Variants in HECW2 observed in about 807,000 individuals in gnomAD.
HECW2 encodes the protein HECT, C2 and WW domain containing E3 ubiquitin protein ligase 2.
In HECW2, 61 loss-of-function variants were observed where a neutral mutation model predicts 175.2. The observed-to-expected ratio is 0.35, with a 90% CI of 0.28 to 0.43. HECW2 has a LOEUF of 0.43. Among genes scored for constraint, HECW2 ranks in the 20% least tolerant of loss-of-function variants. The pLI is 1.00. For synonymous variants in HECW2, 671 were observed against 731.0 expected (o/e 0.92, Z 1.32); for missense variants, 1,524 against 2,000.5 (o/e 0.76, Z 4.54).
At chr2:196,570,311 T>A (rs191395593) in intron 1 of HECW2, among the ~76,000 whole-genome samples, 3 of 152,250 alleles carry the variant, frequency 2.0e-5, no homozygotes, top group Non-Finnish European at 4.4e-5. Flanking sequence ...ATCATTTATA[T>A]TGCACCTATC....
chr2:196,397,392 A>G (rs1362095087), intron 2 of HECW2, among the ~76,000 whole-genome samples: 2 of 145,878 alleles, frequency 1.4e-5, no homozygotes, highest in Non-Finnish European at 3.1e-5. Context: ...ATGTGAACCT[A>G]CCACATTTTA....
At chr2:196,443,635 T>A (rs1696101008) in intron 1 of HECW2, among the ~76,000 whole-genome samples, 1 of 152,206 alleles carries the variant, frequency 6.6e-6, no homozygotes, top group Non-Finnish European at 1.5e-5. Context: ...TCAGTAAACA[T>A]ACATGAAGTC....
At chr2:196,341,158 T>C (rs146623427) in intron 3 of HECW2, among the ~76,000 whole-genome samples, 2 of 152,226 alleles carry the variant, frequency 1.3e-5, no homozygotes, top group South Asian at 2.1e-4. Context: ...TCTCACATTA[T>C]ATTCCAAACT....
intron 2 of HECW2, among the ~76,000 whole-genome samples, chr2:196,425,225 GAA>G (rs35789441): frequency 0.033 from 4,695 of 143,440 alleles, 243 homozygotes; most frequent in African/African-American, 0.11. Flanking sequence ...ATACTGCTTG[GAA>G]AAAAAAAAAA....
intron 1 of HECW2, among the ~76,000 whole-genome samples, chr2:196,454,901 TA>T (rs1372651639): frequency 6.6e-6 from 1 of 152,240 alleles, no homozygotes; most frequent in Non-Finnish European, 1.5e-5. Context: ...ATATTTGATG[TA>T]CAATAAACAC....
intron 1 of HECW2, among the ~76,000 whole-genome samples, chr2:196,436,908 T>A (rs975470011): frequency 2.0e-5 from 3 of 152,130 alleles, no homozygotes; most frequent in Non-Finnish European, 4.4e-5. Context: ...CTTAACAAAT[T>A]TGTGGGGACA....
chr2:196,358,361 T>C (rs1243203597), intron 2 of HECW2, among the ~76,000 whole-genome samples: 1 of 84,668 alleles, frequency 1.2e-5, no homozygotes, highest in Non-Finnish European at 2.2e-5. Flanking sequence ...ATCACTTGAG[T>C]ACTTGAGTTC....
At chr2:196,415,093 C>T (rs1695218250) in intron 2 of HECW2, among the ~76,000 whole-genome samples, 1 of 152,194 alleles carries the variant, frequency 6.6e-6, no homozygotes, top group African/African-American at 2.4e-5. Flanking sequence ...GAATCATTCT[C>T]ATGACCCTTA....
intron 1 of HECW2, among the ~76,000 whole-genome samples, chr2:196,499,421 C>T (rs1455170019): frequency 6.6e-6 from 1 of 151,792 alleles, no homozygotes; most frequent in East Asian, 1.9e-4. Flanking sequence ...GGTTTCCTAA[C>T]TTAAACATGC....
chr2:196,429,341 G>A (rs532062069), intron 2 of HECW2, among the ~76,000 whole-genome samples: 6 of 152,304 alleles, frequency 3.9e-5, no homozygotes, highest in African/African-American at 1.2e-4. Context: ...GGACCCTTGT[G>A]GGGTCTGGGA....
At chr2:196,322,137 T>C (rs1249804959) in intron 7 of HECW2, among the ~76,000 whole-genome samples, 1 of 152,218 alleles carries the variant, frequency 6.6e-6, no homozygotes, top group Non-Finnish European at 1.5e-5. Context: ...TTATTTAGGA[T>C]AAGGTAGGCA....
At chr2:196,287,999 T>TA (rs1186956403) in intron 14 of HECW2, 1 of 148,954 alleles carries the variant, frequency 6.7e-6, no homozygotes, top group East Asian at 1.9e-4. Context: ...TTTTTTTTTT[T>TA]ATCTTTTTTT....
intron 1 of HECW2, among the ~76,000 whole-genome samples, chr2:196,502,015 CAT>C (rs1478250608): frequency 1.3e-5 from 2 of 152,210 alleles, no homozygotes; most frequent in African/African-American, 4.8e-5. Context: ...TCACTCAAGT[CAT>C]ATTGAATTTA....
At chr2:196,286,380 T>C (rs1432027824) in intron 14 of HECW2, among the ~76,000 whole-genome samples, 1 of 117,876 alleles carries the variant, frequency 8.5e-6, no homozygotes, top group Non-Finnish European at 2.0e-5. Context: ...TATTTTAAGA[T>C]GGAGGTCATA....
At chr2:196,247,851 AGGG>A (rs765130827) in intron 19 of HECW2, among the ~76,000 whole-genome samples, 1 of 152,154 alleles carries the variant, frequency 6.6e-6, no homozygotes, top group Non-Finnish European at 1.5e-5. Flanking sequence ...CGTATTGGAC[AGGG>A]GCTGGATCTT....
rs775562232 is a variant in HECW2, at chr2:196,242,119, C to T, written c.3615G>A (p.Glu1205=). Residue 1205 remains glutamate (E), a synonymous_variant, in exon 20 of 29, where the codon GAG becomes GAA. Transcript: ENST00000644978. ...CTGGGCCTTGTCCATATCCTTTAGT[C>T]TCTAACTTCCTGTAAAAGTTCCTCA... ...AKLRNFYRKL[E]TKGYGQGPGK... 8 of 1,614,064 alleles carry T rather than the reference C, an allele frequency of 5.0e-6. No individual in the cohort carries two copies. The Admixed American group carries it at 1.2e-4, about 24-fold the overall frequency.
chr2:196,220,255 A>G, intron 25 of HECW2, 102 bp from the exon 26 acceptor site: 1 of 758,786 alleles, frequency 1.3e-6, no homozygotes, highest in Non-Finnish European at 2.3e-6. Flanking sequence ...CAGGAATAAT[A>G]TGTGTGTACC....
intron 2 of HECW2, among the ~76,000 whole-genome samples, chr2:196,392,926 C>A (rs559111283): frequency 4.9e-4 from 74 of 152,248 alleles, no homozygotes; most frequent in Non-Finnish European, 1.0e-3. Context: ...TACAGTAACC[C>A]AAACAGCATG....
chr2:196,581,073 T>C (rs940369304), intron 1 of HECW2, among the ~76,000 whole-genome samples: 13 of 152,240 alleles, frequency 8.5e-5, no homozygotes, highest in Non-Finnish European at 1.5e-5. Flanking sequence ...ATTTCATTCA[T>C]ACAAAATGTC....
Sources: allele counts gnomAD v4.1 joint callset (sites outside exome capture counted in the v4.1 genomes callset), GRCh38; gene constraint gnomAD v4.1.1; transcripts MANE v1.5; gene names NCBI Gene and HGNC (gene_info 2026-07-23, HGNC 2026-07-21).